The following ARHGAP27 variants were observed in gnomAD, a reference collection of about 807,000 sequenced individuals.
ARHGAP27 encodes rho GTPase-activating protein 27.
A neutral mutation model predicts 102.0 loss-of-function variants in ARHGAP27; 53 were observed. The ratio of observed to expected loss-of-function variants is 0.52; its 90% CI spans 0.42 to 0.65. The LOEUF (loss-of-function observed/expected upper bound fraction) is 0.65. Ranked by LOEUF, ARHGAP27 falls within the 30% of genes least tolerant of loss-of-function variation. The pLI is 0.00. For synonymous variants in ARHGAP27, 525 were observed against 542.8 expected, an observed-to-expected ratio of 0.97 and a Z score of 0.46; for missense variants, 1,117 against 1,256.2, an observed-to-expected ratio of 0.89 and a Z score of 1.68.
intron 4 of ARHGAP27, among the ~76,000 whole-genome samples, chr17:45,426,101 C>T (rs1821139058): frequency 6.6e-6 from 1 of 152,078 alleles, no homozygotes; most frequent in South Asian, 2.1e-4. Flanking sequence ...AACAGGGTGG[C>T]CAACCCTAAA....
intron 12 of ARHGAP27, among the ~76,000 whole-genome samples, chr17:45,398,779 AC>A (rs2046066415): frequency 6.6e-6 from 1 of 151,778 alleles, no homozygotes; most frequent in Non-Finnish European, 1.5e-5. Context: ...CTATGTTGAG[AC>A]CCCTGTCTAC....
chr17:45,420,676 C>G (rs533400074), intron 4 of ARHGAP27, among the ~76,000 whole-genome samples: 51 of 152,098 alleles, frequency 3.4e-4, no homozygotes, highest in African/African-American at 1.2e-3. Flanking sequence ...TGATTTTGGC[C>G]GGGCGCAGTG....
At position 45,403,725 on chromosome 17, in the gene ARHGAP27, G is replaced by A. The variant is rs375291485; in HGVS notation, c.1548-16C>T. On this transcript the variant is annotated splice_polypyrimidine_tract_variant and intron_variant, in intron 10 of 19. Transcript: ENST00000685559. ...GTGCTTCTTCCTAGGTGGGGGTGGG[G>A]AAGTGGGGGTGGCAGGACTTAGATT... 7.5e-6 allele frequency: 12 copies of A among 1,601,790 alleles called. No homozygotes were observed. In the African/African-American group the frequency reaches 1.2e-4, roughly 16 times the overall value.
At chr17:45,422,028 T>C (rs1488004335) in intron 4 of ARHGAP27, among the ~76,000 whole-genome samples, 1 of 152,072 alleles carries the variant, frequency 6.6e-6, no homozygotes, top group Non-Finnish European at 1.5e-5. Context: ...TAGTTGGATG[T>C]GGTGGCGTGT....
intron 4 of ARHGAP27, among the ~76,000 whole-genome samples, chr17:45,420,062 A>G (rs1044292974): frequency 6.6e-6 from 1 of 152,194 alleles, no homozygotes; most frequent in Non-Finnish European, 1.5e-5. Context: ...AATATCTAAT[A>G]TTTATCTTTT....
intron 12 of ARHGAP27, among the ~76,000 whole-genome samples, chr17:45,401,221 C>T (rs1269630245): frequency 6.6e-6 from 1 of 152,160 alleles, no homozygotes; most frequent in Non-Finnish European, 1.5e-5. Context: ...CGCCTGTAGT[C>T]CTAGCTACTC....
intron 12 of ARHGAP27, among the ~76,000 whole-genome samples, chr17:45,400,257 T>C (rs2046281139): frequency 6.6e-6 from 1 of 152,160 alleles, no homozygotes; most frequent in African/African-American, 2.4e-5. Flanking sequence ...TTTCTGTAAC[T>C]CGGGGTGACT....
Position 45,402,762 on chromosome 17 carries a change from A to G in ARHGAP27, c.1695T>C (p.Thr565=). ...ATTTGTCTTTGGGGGCCCAGGAGAG[A>G]GTGGCCCCCCTCAGCTCCACTGTGT... ...PEYTVELRGA[T]LSWAPKDKSS... is the part of the protein sequence containing the mutation. The change falls in exon 12 of 20, where the codon ACT becomes ACC. Residue 565 remains threonine (T), a synonymous_variant. Transcript: ENST00000685559. The G allele has an allele frequency of 6.2e-7, 1 of 1,613,138 alleles. No homozygotes were observed. The highest frequency in any genetic ancestry group is 8.5e-7 in the Non-Finnish European group (1 of 1,179,540).
intron 4 of ARHGAP27, among the ~76,000 whole-genome samples, chr17:45,407,221 A>C (rs1209800698): frequency 1.3e-5 from 2 of 152,102 alleles, no homozygotes; most frequent in Non-Finnish European, 2.9e-5. Context: ...CAGTTGCTAG[A>C]GGTCCCCACC....
rs1051697714 is a variant in ARHGAP27 at position 45,429,616 on chromosome 17, G to T, written c.657+7C>A. ...CCGCCTCCGCGCCCCAGCGCCCGGG[G>T]AGGTACCTGCTCTGCGCTCTCCTCC... On this transcript the variant is annotated splice_region_variant and intron_variant, in intron 4 of 19. Coordinates refer to ENST00000685559, the MANE Select transcript of ARHGAP27 (RefSeq NM_001282290.2). The T allele has an allele frequency of 2.5e-6, 4 of 1,577,956 alleles. No individual in the cohort carries two copies. The African/African-American group carries it at 5.4e-5, about 21-fold the overall frequency.
chr17:45,405,472 AG>A (rs2047034813), intron 5 of ARHGAP27, among the ~76,000 whole-genome samples: 1 of 150,730 alleles, frequency 6.6e-6, no homozygotes, highest in South Asian at 2.1e-4. Context: ...AGGCGCTCAG[AG>A]GTAGCCCCGC....
intron 4 of ARHGAP27, among the ~76,000 whole-genome samples, chr17:45,412,023 C>T (rs1303810737): frequency 6.6e-6 from 1 of 152,148 alleles, no homozygotes; most frequent in Non-Finnish European, 1.5e-5. Context: ...GCAGGGACTC[C>T]CTATGGCAGA....
At chr17:45,409,384 G>C (rs905852218) in intron 4 of ARHGAP27, 1 of 152,292 alleles carries the variant, frequency 6.6e-6, no homozygotes, top group Non-Finnish European at 1.5e-5. Context: ...AGATTTCGGA[G>C]GTAGAAGTTT....
Position 45,430,010 on chromosome 17 carries a change from C to A in ARHGAP27, c.270G>T (p.Pro90=), listed in dbSNP as rs2049934441. The A allele has an allele frequency of 2.5e-6, 3 of 1,192,770 alleles. No homozygotes were observed. Among genetic ancestry groups the A allele is most frequent in the South Asian group, 6.5e-5 (2 of 30,538 alleles). The allele number at this position is 1,192,770 out of a possible 1,614,324, so 73.9% of individuals were successfully genotyped here. Residue 90 remains proline, a synonymous_variant, in exon 4 of 20, where the codon CCG becomes CCT. Coordinates refer to ENST00000685559, the MANE Select transcript of ARHGAP27 (RefSeq NM_001282290.2). This position sits in a 1 kb window ranked among gnomAD's most constrained non-coding sequence, Gnocchi z 4.4. ...TCACAAACCGGTAGTCGTAGGCGAG[C>A]GGCTCAGGGGCCGCGGGGCTCGGGT... The part of the protein sequence containing the change: ...GPHPSPAAPE[P]LAYDYRFVSA...
intron 4 of ARHGAP27, 84 bp from the exon 5 acceptor site, chr17:45,406,167 T>A: frequency 7.3e-7 from 1 of 1,371,604 alleles, no homozygotes; most frequent in Non-Finnish European, 9.6e-7. Flanking sequence ...AGTGCGATTA[T>A]AGGGGTTTAT....
Position 45,395,587 on chromosome 17 carries a change from C to G in ARHGAP27, c.2539G>C (p.Ala847Pro). Residue 847 changes from alanine (A) to proline (P), a missense_variant, in exon 20 of 20, where the codon GCC (alanine) becomes CCC (proline). Ala to Pro is a conservative substitution (Grantham distance 27, BLOSUM62 -1). Transcript: ENST00000685559. ...EQNRMSVQSV[A>P]IVFGPTLLRP... ...AGCAGCGTGGGCCCGAACACAATGG[C>G]CACGCTCTGCACCGACATGCGGTTC... 1 of 1,607,056 alleles carries G rather than the reference C, an allele frequency of 6.2e-7. No individual in the cohort carries two copies. The highest frequency in any genetic ancestry group is 1.3e-5 in the African/African-American group (1 of 74,946).
At chr17:45,396,853 A>G in intron 14 of ARHGAP27, 63 bp from the exon 15 acceptor site, 1 of 1,606,892 alleles carries the variant, frequency 6.2e-7, no homozygotes, top group East Asian at 2.2e-5. Flanking sequence ...GGCAGGCCCC[A>G]GCAACCGTCA....
intron 4 of ARHGAP27, among the ~76,000 whole-genome samples, chr17:45,411,539 A>C (rs2047911406): frequency 6.6e-6 from 1 of 151,922 alleles, no homozygotes; most frequent in Non-Finnish European, 1.5e-5. Flanking sequence ...CACAGTGTGA[A>C]TGTGGGGCAC....
At chr17:45,402,896 G>C (rs966556952) in intron 11 of ARHGAP27, 78 bp from the exon 12 acceptor site, 43 of 1,272,340 alleles carry the variant, frequency 3.4e-5, no homozygotes, top group Non-Finnish European at 4.6e-5. Flanking sequence ...CTAGGAATAG[G>C]ATGGGGTCAC....
Sources: allele counts gnomAD v4.1 joint callset (sites outside exome capture counted in the v4.1 genomes callset), GRCh38; gene constraint gnomAD v4.1.1; non-coding constraint Gnocchi (gnomAD v3.1); transcripts MANE v1.5; gene names NCBI Gene and HGNC (gene_info 2026-07-23, HGNC 2026-07-21).